Variants in FOXN3 observed in about 807,000 individuals in gnomAD.
The protein encoded by FOXN3 is forkhead box N3.
FOXN3 carries 7 observed loss-of-function variants against 38.4 expected under a neutral mutation model. The observed-to-expected ratio is 0.18, with a 90% CI of 0.10 to 0.34. The LOEUF is 0.34. Ranked by LOEUF, FOXN3 falls within the 10% of genes least tolerant of loss-of-function variation. FOXN3 has a pLI of 1.00. For missense variants in FOXN3, 456 were observed against 613.4 expected (o/e 0.74, Z 2.71); for synonymous variants, 230 against 242.2 (o/e 0.95, Z 0.47).
chr14:89,542,997 A>G (rs1894820643), intron 1 of FOXN3, among the ~76,000 whole-genome samples: 1 of 152,242 alleles, frequency 6.6e-6, no homozygotes. Context: ...GGTAGAAGGA[A>G]ACCATCAATC....
intron 3 of FOXN3, among the ~76,000 whole-genome samples, chr14:89,309,682 C>T (rs1205081223): frequency 3.9e-5 from 6 of 152,112 alleles, no homozygotes; most frequent in African/African-American, 1.4e-4. Flanking sequence ...AGCCAAGGCC[C>T]GGCCTCTACA....
chr14:89,325,618 A>G (rs924102762), intron 3 of FOXN3, among the ~76,000 whole-genome samples: 4 of 152,250 alleles, frequency 2.6e-5, no homozygotes, highest in African/African-American at 9.6e-5. Context: ...CTATCTCTGT[A>G]CAGAGGACAT....
At chr14:89,565,054 C>T (rs1895323378) in intron 1 of FOXN3, among the ~76,000 whole-genome samples, 5 of 148,512 alleles carry the variant, frequency 3.4e-5, no homozygotes. Flanking sequence ...AGATAGCACC[C>T]CTGCACTCCA....
intron 1 of FOXN3, among the ~76,000 whole-genome samples, chr14:89,528,628 T>A (rs2139832416): frequency 6.6e-6 from 1 of 151,962 alleles, no homozygotes; most frequent in East Asian, 1.9e-4. Context: ...ACTCCTGACC[T>A]CAGATGATCT....
chr14:89,417,449 C>T (rs1891779340), upstream of FOXN3: 1 of 148,606 alleles, frequency 6.7e-6, no homozygotes, highest in African/African-American at 2.4e-5. Context: ...CGCGGCCTCG[C>T]CTCTTGGGCC....
intron 1 of FOXN3, among the ~76,000 whole-genome samples, chr14:89,547,921 T>C (rs1894917381): frequency 6.6e-6 from 1 of 152,214 alleles, no homozygotes; most frequent in Non-Finnish European, 1.5e-5. Context: ...ACAGAAACGC[T>C]TGCAACCCAT....
At chr14:89,554,359 A>C (rs1329481563) in intron 1 of FOXN3, among the ~76,000 whole-genome samples, 3 of 151,722 alleles carry the variant, frequency 2.0e-5, no homozygotes, top group African/African-American at 7.3e-5. Context: ...CTGGTCTCGA[A>C]CTCCTGAGCT....
intron 2 of FOXN3, among the ~76,000 whole-genome samples, chr14:89,382,502 A>G (rs1453325122): frequency 6.6e-6 from 1 of 152,090 alleles, no homozygotes; most frequent in African/African-American, 2.4e-5. Context: ...CACTTCTACA[A>G]GTTTTCTCTC....
chr14:89,237,614 C>T (rs1441619090), intron 4 of FOXN3, among the ~76,000 whole-genome samples: 1 of 152,178 alleles, frequency 6.6e-6, no homozygotes, highest in East Asian at 1.9e-4. Flanking sequence ...GGTACACAGG[C>T]TCTGCCTGTA....
In FOXN3 at chr14:89,573,182, G is replaced by A. The variant is rs191266827; in HGVS notation, c.-15+45846C>T. On this transcript the variant is annotated intron_variant, in intron 1 of 6. Transcript: ENST00000345097. ...GAGAAGCGATAAGTGATCCAGCCCCGATTAGATCAGCCGCCGTGGGAAAGG... is the reference window on the plus strand; with the variant it reads ...GAGAAGCGATAAGTGATCCAGCCCCAATTAGATCAGCCGCCGTGGGAAAGG... Among the ~76,000 whole-genome samples the A allele has an allele frequency of 4.3e-3, 648 of 152,274 alleles. 4 individuals carry two copies. Among genetic ancestry groups the A allele is most frequent in the Non-Finnish European group, 5.4e-3 (366 of 68,030 alleles).
At chr14:89,339,970 G>A (rs1190898015) in intron 3 of FOXN3, among the ~76,000 whole-genome samples, 1 of 152,054 alleles carries the variant, frequency 6.6e-6, no homozygotes, top group Non-Finnish European at 1.5e-5. Flanking sequence ...GGGGGTGGGG[G>A]GCAATTTCCA....
intron 4 of FOXN3, among the ~76,000 whole-genome samples, chr14:89,198,297 T>C (rs1040381414): frequency 3.3e-5 from 5 of 152,204 alleles, no homozygotes; most frequent in Admixed American, 3.3e-4. Flanking sequence ...TAATACAGAA[T>C]ACAGAGGAAG....
At position 89,335,073 on chromosome 14, in the gene FOXN3, C is replaced by T. The variant is rs991538420; in HGVS notation, c.680+15599G>A. Among the ~76,000 whole-genome samples the T allele has an allele frequency of 3.1e-5, 3 of 96,032 alleles. No individual in the cohort carries two copies. The Admixed American group carries it at 3.3e-4, about 11-fold the overall frequency. The allele number at this position is 96,032 out of a possible 152,430, so 63.0% of individuals were successfully genotyped here. A position where few individuals can be genotyped will look rare whatever the true frequency, so the allele number is the denominator to read the frequency against. The stretch of plus-strand genomic sequence containing the variant: ...AAAAAGAGTAGAACTTAACTATTTT[C>T]ATATCACACACACACACACACACAC... On this transcript the variant is annotated intron_variant, in intron 3 of 5. Coordinates refer to ENST00000557258, the MANE Select transcript of FOXN3 (RefSeq NM_005197.4).
intron 2 of FOXN3, among the ~76,000 whole-genome samples, chr14:89,372,480 A>G (rs887073866): frequency 6.6e-6 from 1 of 152,168 alleles, no homozygotes; most frequent in Admixed American, 6.5e-5. Flanking sequence ...ACAACAGCTG[A>G]CTGAAACAAA....
chr14:89,182,388 A>T (rs1368292854), intron 4 of FOXN3, among the ~76,000 whole-genome samples: 4 of 152,220 alleles, frequency 2.6e-5, no homozygotes, highest in Non-Finnish European at 5.9e-5. Flanking sequence ...ACTAGGTCTT[A>T]CAAAAGGTGG....
At chr14:89,600,666 T>C (rs553104536) in intron 1 of FOXN3, among the ~76,000 whole-genome samples, 1 of 152,298 alleles carries the variant, frequency 6.6e-6, no homozygotes, top group South Asian at 2.1e-4. Context: ...CCCTTACTCA[T>C]TGTGGGAAGA....
intron 1 of FOXN3, among the ~76,000 whole-genome samples, chr14:89,551,192 A>T (rs1247236806): frequency 6.6e-6 from 1 of 152,224 alleles, no homozygotes; most frequent in South Asian, 2.1e-4. Flanking sequence ...GAGCTGACTT[A>T]GTAAGCAGCA....
chr14:89,324,443 C>T (rs866386902), intron 3 of FOXN3, among the ~76,000 whole-genome samples: 104 of 143,486 alleles, frequency 7.2e-4, no homozygotes, highest in African/African-American at 2.2e-3. Flanking sequence ...TAAGTGTGTG[C>T]GTGTGTGTGT....
At chr14:89,296,937 G>A (rs1395857576) in intron 3 of FOXN3, among the ~76,000 whole-genome samples, 1 of 152,030 alleles carries the variant, frequency 6.6e-6, no homozygotes, top group Non-Finnish European at 1.5e-5. Context: ...GCATCCAGCC[G>A]AAACTCAACA....
Sources: allele counts gnomAD v4.1 joint callset (sites outside exome capture counted in the v4.1 genomes callset), GRCh38; gene constraint gnomAD v4.1.1; transcripts MANE v1.5; gene names NCBI Gene and HGNC (gene_info 2026-07-23, HGNC 2026-07-21).